The following DCLK3 variants were observed in gnomAD, a reference collection of about 807,000 sequenced individuals.
DCLK3 encodes the protein doublecortin like kinase 3.
A neutral mutation model predicts 46.4 loss-of-function variants in DCLK3; 30 were observed. The ratio of observed to expected loss-of-function variants is 0.65; its 90% CI spans 0.48 to 0.88. DCLK3 has a LOEUF of 0.88. DCLK3 is among the 40% of genes least tolerant of loss of function. The pLI is 0.00. For synonymous variants in DCLK3, 401 were observed against 339.2 expected (o/e 1.18, Z -2.00); for missense variants, 846 against 907.1 (o/e 0.93, Z 0.87).
At chr3:36,725,311 CAA>C (rs11303085) in intron 2 of DCLK3, among the ~76,000 whole-genome samples, 82 of 133,308 alleles carry the variant, frequency 6.2e-4, no homozygotes, top group East Asian at 1.8e-3. Flanking sequence ...GACTCCGTCT[CAA>C]AAAAAAAAAA....
In DCLK3 at chr3:36,737,353, C is replaced by A; in HGVS notation, c.1814G>T (p.Gly605Val). The A allele has an allele frequency of 6.2e-7, 1 of 1,614,172 alleles. No homozygotes were observed. The highest frequency in any genetic ancestry group is 8.5e-7 in the Non-Finnish European group (1 of 1,180,036). Residue 605 changes from glycine (G) to valine (V), a missense_variant, in exon 2 of 5, where the codon GGA (glycine) becomes GTA (valine). Coordinates refer to ENST00000636136, the MANE Select transcript of DCLK3 (RefSeq NM_001394672.2). The surrounding 1 kb of genome is among the most constrained non-coding windows in gnomAD (Gnocchi z 4.4). ...TATGATGGCGTCAAAAAGGTCTCCTCCCTGCACGTACTCCAGGATCAGGTA... is the reference window on the plus strand; with the variant it reads ...TATGATGGCGTCAAAAAGGTCTCCTACCTGCACGTACTCCAGGATCAGGTA... ...EIYLILEYVQ[G>V]GDLFDAIIES...
At chr3:36,731,542 C>T (rs562847640) in intron 2 of DCLK3, among the ~76,000 whole-genome samples, 1 of 152,176 alleles carries the variant, frequency 6.6e-6, no homozygotes, top group South Asian at 2.1e-4. Context: ...TCTATCCTAA[C>T]TCAGTCAGTC....
chr3:36,743,805 C>T (rs2125533821), intron 1 of DCLK3, among the ~76,000 whole-genome samples: 1 of 152,176 alleles, frequency 6.6e-6, no homozygotes, highest in African/African-American at 2.4e-5. Context: ...AATTCCTCTG[C>T]TTGACACATA....
intron 2 of DCLK3, among the ~76,000 whole-genome samples, chr3:36,729,167 C>T (rs1701160881): frequency 6.6e-6 from 1 of 151,280 alleles, no homozygotes; most frequent in Non-Finnish European, 1.5e-5. Context: ...ATCAAGACAG[C>T]CAAAGACCCC....
intron 3 of DCLK3, among the ~76,000 whole-genome samples, chr3:36,720,439 T>C (rs1222183503): frequency 6.6e-6 from 1 of 151,712 alleles, no homozygotes; most frequent in Non-Finnish European, 1.5e-5. Context: ...TTCTCTCTGG[T>C]CCATTGAGGC....
chr3:36,757,466 TC>T, intron 1 of DCLK3, among the ~76,000 whole-genome samples: 1 of 151,482 alleles, frequency 6.6e-6, no homozygotes, highest in Non-Finnish European at 1.5e-5. Flanking sequence ...TTTTTTCACC[TC>T]CTTTGAACAT....
Position 36,715,588 on chromosome 3 carries a change from A to G in DCLK3, c.2261-67T>C, listed in dbSNP as rs529212043. The G allele has an allele frequency of 7.0e-4, 1,040 of 1,484,900 alleles. 1 individual carries two copies. Among genetic ancestry groups the G allele is most frequent in the Admixed American group, 1.4e-3 (58 of 41,026 alleles). 92.0% of individuals were successfully genotyped at this position (1,484,900 alleles called of 1,614,324 possible). A position where few individuals can be genotyped will look rare whatever the true frequency, so the allele number is the denominator to read the frequency against. On this transcript the variant is annotated intron_variant, in intron 4 of 4. Transcript: ENST00000636136. ...GGTTCTGAATTTTTCTTCCCCACAC[A>G]TGAAATAAGAACATAAACATTCACG...
intron 1 of DCLK3, among the ~76,000 whole-genome samples, chr3:36,746,836 T>C (rs547483820): frequency 6.6e-6 from 1 of 152,274 alleles, no homozygotes; most frequent in African/African-American, 2.4e-5. Context: ...CACAAATCAC[T>C]TGTAAGTCCT....
chr3:36,717,775 T>C (rs1701002967), intron 4 of DCLK3, among the ~76,000 whole-genome samples: 1 of 152,216 alleles, frequency 6.6e-6, no homozygotes. Flanking sequence ...TGAATTGCCT[T>C]AAGGAAAAGT....
intron 2 of DCLK3, among the ~76,000 whole-genome samples, chr3:36,722,408 T>A (rs951986782): frequency 6.6e-6 from 1 of 152,212 alleles, no homozygotes; most frequent in African/African-American, 2.4e-5. Flanking sequence ...GGATAAATGC[T>A]TGAGGGGATG....
chr3:36,743,819 C>T (rs1701370398), intron 1 of DCLK3, among the ~76,000 whole-genome samples: 1 of 152,018 alleles, frequency 6.6e-6, no homozygotes, highest in African/African-American at 2.4e-5. Context: ...ACACATAAGG[C>T]CCTTCACAAT....
At chr3:36,723,763 G>A (rs1413816452) in intron 2 of DCLK3, among the ~76,000 whole-genome samples, 4 of 152,216 alleles carry the variant, frequency 2.6e-5, no homozygotes, top group African/African-American at 7.2e-5. Context: ...GTATGCAAAC[G>A]CCTGGATGTC....
chr3:36,715,539 G>C lies in DCLK3; in HGVS notation c.2261-18C>G, dbSNP rs760003606. 11 of 1,513,912 alleles carry C rather than the reference G, an allele frequency of 7.3e-6. No homozygotes were observed. In the South Asian group the frequency reaches 1.5e-4, roughly 20 times the overall value. The allele number at this position is 1,513,912 out of a possible 1,614,324, so 93.8% of individuals were successfully genotyped here. ...TTTAGCAGCTGTTGGAATGAGAGAA[G>C]GGGAAAATGTGATGAATGCAGGTGG... On this transcript the variant is annotated intron_variant, in intron 4 of 4. Transcript: ENST00000636136.
At chr3:36,731,779 T>C (rs758768104) in intron 2 of DCLK3, among the ~76,000 whole-genome samples, 1 of 152,134 alleles carries the variant, frequency 6.6e-6, no homozygotes, top group Admixed American at 6.5e-5. Context: ...GCTGGGACCA[T>C]GGCTGCGGAC....
intron 1 of DCLK3, among the ~76,000 whole-genome samples, chr3:36,761,642 A>G (rs753106681): frequency 4.6e-5 from 7 of 152,220 alleles, no homozygotes; most frequent in Admixed American, 6.5e-5. Flanking sequence ...TCAGGATGCC[A>G]GATCAGATAC....
intron 1 of DCLK3, among the ~76,000 whole-genome samples, chr3:36,740,880 T>G (rs1701337302): frequency 6.6e-6 from 1 of 152,078 alleles, no homozygotes; most frequent in Non-Finnish European, 1.5e-5. Context: ...ACTCCAGTTG[T>G]GCCAGGATGA....
intron 1 of DCLK3, among the ~76,000 whole-genome samples, chr3:36,752,645 G>A (rs1040176412): frequency 2.0e-5 from 3 of 152,092 alleles, no homozygotes; most frequent in African/African-American, 4.8e-5. Flanking sequence ...CCTTTGTTCA[G>A]GTCTGTGATG....
intron 1 of DCLK3, among the ~76,000 whole-genome samples, chr3:36,742,844 C>T (rs73054237): frequency 0.34 from 51,136 of 152,012 alleles, 9,530 homozygotes; most frequent in Non-Finnish European, 0.43. Context: ...ATCCTTTAGG[C>T]CTGGGGCTCA....
intron 1 of DCLK3, among the ~76,000 whole-genome samples, chr3:36,751,514 G>A (rs1366090183): frequency 6.6e-6 from 1 of 152,220 alleles, no homozygotes; most frequent in African/African-American, 2.4e-5. Context: ...CCAACCTCCT[G>A]GGCAGAAACT....
Sources: gnomAD v4.1 joint callset for allele counts (sites outside exome capture counted in the v4.1 genomes callset) on GRCh38, gnomAD v4.1.1 for gene constraint, Gnocchi (gnomAD v3.1) non-coding constraint, MANE v1.5 for transcripts, NCBI Gene and HGNC (gene_info 2026-07-23, HGNC 2026-07-21) for gene names.